Variants in PDZRN3 observed in about 807,000 individuals in gnomAD.
PDZRN3 encodes E3 ubiquitin-protein ligase PDZRN3.
A neutral mutation model predicts 85.7 loss-of-function variants in PDZRN3; 38 were observed. The observed-to-expected ratio is 0.44, with a 90% confidence interval of 0.34 to 0.58. The LOEUF is 0.58. Ranked by LOEUF, PDZRN3 falls within the 20% of genes least tolerant of loss-of-function variation. The pLI is 0.01. For missense variants in PDZRN3, 1,629 were observed against 1,506.4 expected (o/e 1.08, Z -1.35); for synonymous variants, 759 against 638.0 (o/e 1.19, Z -2.86).
In PDZRN3 at chr3:73,404,260, G is replaced by C. The variant is rs749945665; in HGVS notation, c.1054C>G (p.Gln352Glu). 6.2e-7 allele frequency: 1 copy of C among 1,614,160 alleles called. No individual in the cohort carries two copies. Among genetic ancestry groups the C allele is most frequent in the East Asian group, 2.2e-5 (1 of 44,878 alleles). ...TKMFTPPSES[Q>E]LVDTGTQTDI... ...GTTTGGGTTCCCGTGTCCACCAGCTGAGACTCTGATGGAGGCGTGAACATT... is the reference window on the plus strand; with the variant it reads ...GTTTGGGTTCCCGTGTCCACCAGCTCAGACTCTGATGGAGGCGTGAACATT... Residue 352 changes from glutamine to glutamate, a missense_variant, in exon 4 of 10, where the codon CAG becomes GAG. Gln to Glu is a conservative substitution (Grantham distance 29). Transcript: ENST00000263666.
At chr3:73,532,324 A>C (rs1704678139) in intron 3 of PDZRN3, among the ~76,000 whole-genome samples, 1 of 152,184 alleles carries the variant, frequency 6.6e-6, no homozygotes, top group African/African-American at 2.4e-5. Context: ...TTTTAAGCAC[A>C]GTGTTAGTTC....
intron 3 of PDZRN3, among the ~76,000 whole-genome samples, chr3:73,472,598 G>A (rs1378799994): frequency 6.6e-6 from 1 of 152,160 alleles, no homozygotes; most frequent in Non-Finnish European, 1.5e-5. Context: ...ATCAAACTCG[G>A]ACCACAGCAC....
At chr3:73,612,446 G>C (rs1005691042) in intron 1 of PDZRN3, among the ~76,000 whole-genome samples, 3 of 152,108 alleles carry the variant, frequency 2.0e-5, no homozygotes, top group African/African-American at 4.8e-5. Flanking sequence ...TTTAAGTAAG[G>C]CTTCTTTGGA....
intron 3 of PDZRN3, among the ~76,000 whole-genome samples, chr3:73,577,017 G>A (rs1702136522): frequency 6.6e-6 from 1 of 152,220 alleles, no homozygotes; most frequent in Admixed American, 6.5e-5. Flanking sequence ...GCAATGTGAT[G>A]TGATGTTTTG....
chr3:73,478,300 C>T (rs1703497335), intron 3 of PDZRN3, among the ~76,000 whole-genome samples: 1 of 152,056 alleles, frequency 6.6e-6, no homozygotes, highest in South Asian at 2.1e-4. Flanking sequence ...CTTGCATCAC[C>T]ACCTAAGCTC....
chr3:73,514,662 T>C (rs753414368), intron 3 of PDZRN3, among the ~76,000 whole-genome samples: 3 of 152,244 alleles, frequency 2.0e-5, no homozygotes, highest in Non-Finnish European at 4.4e-5. Context: ...ATCTTCTGAC[T>C]TGGCTTTCCT....
intron 2 of PDZRN3, among the ~76,000 whole-genome samples, chr3:73,606,468 G>A (rs934569553): frequency 1.2e-4 from 19 of 152,172 alleles, no homozygotes; most frequent in African/African-American, 4.1e-4. Context: ...TGGAGAGTAC[G>A]GAGGACCCCT....
At chr3:73,571,294 T>C (rs181335247) in intron 3 of PDZRN3, among the ~76,000 whole-genome samples, 1 of 152,188 alleles carries the variant, frequency 6.6e-6, no homozygotes, top group African/African-American at 2.4e-5. Context: ...CAGTGATTTA[T>C]CACCTGCCAC....
chr3:73,598,420 T>C (rs1338158250), intron 3 of PDZRN3, among the ~76,000 whole-genome samples: 3 of 152,094 alleles, frequency 2.0e-5, no homozygotes, highest in African/African-American at 7.2e-5. Context: ...CAATCAAAGG[T>C]GGGGTCGGAA....
intron 1 of PDZRN3, among the ~76,000 whole-genome samples, chr3:73,611,497 A>G (rs968933846): frequency 2.0e-5 from 3 of 152,222 alleles, no homozygotes; most frequent in Non-Finnish European, 4.4e-5. Flanking sequence ...TTCTATAAGC[A>G]TCTTGATCTA....
At chr3:73,574,264 A>C (rs1239388920) in intron 3 of PDZRN3, among the ~76,000 whole-genome samples, 2 of 152,136 alleles carry the variant, frequency 1.3e-5, no homozygotes, top group Non-Finnish European at 2.9e-5. Context: ...GAGCCTCTTG[A>C]CTGCTAATCT....
Position 73,535,156 on chromosome 3 carries a change from G to C in PDZRN3, c.918+67198C>G, listed in dbSNP as rs868486000. 2.6e-5 allele frequency among the ~76,000 whole-genome samples: 4 copies of C among 152,222 alleles called. No homozygotes were observed. The South Asian group carries it at 8.3e-4, about 32-fold the overall frequency. On this transcript the variant is annotated intron_variant, in intron 3 of 9. Transcript: ENST00000263666. ...GTGGCAGGCTGCTCCTTTAGCCTGG[G>C]TTCTAGAAGGCTAATGACATGGAAC...
Position 73,624,760 on chromosome 3 carries a change from G to C in PDZRN3, c.66C>G (p.His22Gln). 1 of 1,493,182 alleles carries C rather than the reference G, an allele frequency of 6.7e-7. No homozygotes were observed. Among genetic ancestry groups the C allele is most frequent in the Non-Finnish European group, 8.9e-7 (1 of 1,128,830 alleles). 92.5% of individuals were successfully genotyped at this position (1,493,182 alleles called of 1,614,324 possible). A position where few individuals can be genotyped will look rare whatever the true frequency, so the allele number is the denominator to read the frequency against. The change falls in exon 1 of 10, where the codon CAC becomes CAG. Residue 22 changes from histidine (H) to glutamine (Q), a missense_variant. Coordinates refer to ENST00000263666, the MANE Select transcript of PDZRN3 (RefSeq NM_015009.3). ...TGGTCAGCGGGTCCTCCAGGACCTT[G>C]TGGCACAGCGCGCACTTCAGGTCCG... ...VDPDLKCALC[H>Q]KVLEDPLTTP... is the part of the protein sequence containing the mutation.
intron 3 of PDZRN3, among the ~76,000 whole-genome samples, chr3:73,601,564 A>G (rs1344529861): frequency 6.6e-6 from 1 of 152,202 alleles, no homozygotes; most frequent in African/African-American, 2.4e-5. Context: ...CCAAAGAGCT[A>G]TGAAAATGGT....
At chr3:73,473,891 C>A (rs997522672) in intron 3 of PDZRN3, among the ~76,000 whole-genome samples, 13 of 152,194 alleles carry the variant, frequency 8.5e-5, no homozygotes, top group African/African-American at 2.9e-4. Flanking sequence ...CTCGGGTGAG[C>A]CACTCCTGGG....
intron 3 of PDZRN3, among the ~76,000 whole-genome samples, chr3:73,473,708 A>G (rs1703393465): frequency 2.0e-5 from 3 of 152,148 alleles, no homozygotes; most frequent in Non-Finnish European, 4.4e-5. Context: ...TTAGGCACTC[A>G]CTCTGAGTAA....
intron 3 of PDZRN3, among the ~76,000 whole-genome samples, chr3:73,545,153 G>A (rs956624549): frequency 2.0e-5 from 3 of 152,184 alleles, no homozygotes; most frequent in South Asian, 2.1e-4. Flanking sequence ...AGCGCCTGGC[G>A]TCTCCTGACA....
intron 3 of PDZRN3, among the ~76,000 whole-genome samples, chr3:73,405,403 A>G (rs1397382548): frequency 6.6e-6 from 1 of 152,214 alleles, no homozygotes; most frequent in Non-Finnish European, 1.5e-5. Flanking sequence ...CAAAGGAACT[A>G]TGTTCAGGTG....
intron 7 of PDZRN3, among the ~76,000 whole-genome samples, chr3:73,388,527 A>T (rs1701447476): frequency 6.6e-6 from 1 of 152,226 alleles, no homozygotes; most frequent in Admixed American, 6.5e-5. Flanking sequence ...TTTGACACTT[A>T]AACTTCTTTG....
Sources: gnomAD v4.1 joint callset for allele counts (sites outside exome capture counted in the v4.1 genomes callset) on GRCh38, gnomAD v4.1.1 for gene constraint, MANE v1.5 for transcripts, NCBI Gene and HGNC (gene_info 2026-07-23, HGNC 2026-07-21) for gene names.